The following LRRC2 variants were observed in gnomAD, a reference collection of about 807,000 sequenced individuals.
LRRC2 encodes the protein leucine rich repeat containing 2.
In LRRC2, 27 loss-of-function variants were observed where a neutral mutation model predicts 40.2. The observed-to-expected ratio is 0.67, with a 90% confidence interval of 0.49 to 0.93. LRRC2 has a LOEUF of 0.93. Among genes scored for constraint, LRRC2 ranks in the 40% least tolerant of loss-of-function variants. LRRC2 has a pLI of 0.00. For missense variants in LRRC2, 402 were observed against 439.6 expected (o/e 0.91, Z 0.76); for synonymous variants, 147 against 158.9 (o/e 0.92, Z 0.56).
chr3:46,533,775 T>TTTTCTTTCTTTCTTTCTTTGTTTCTTTC (rs1553612504), intron 4 of LRRC2, among the ~76,000 whole-genome samples: 3 of 93,000 alleles, frequency 3.2e-5, no homozygotes, highest in Non-Finnish European at 5.2e-5. Flanking sequence ...CCTCCCTCTC[T>TTTTCTTTCTTTCTTTCTTTGTTTCTTTC]TTTCTTTCTT....
chr3:46,538,201 G>A (rs1220475365), intron 4 of LRRC2, among the ~76,000 whole-genome samples: 1 of 152,210 alleles, frequency 6.6e-6, no homozygotes, highest in Non-Finnish European at 1.5e-5. Flanking sequence ...GGGCACATGT[G>A]TAAGAATGGA....
intron 1 of LRRC2, among the ~76,000 whole-genome samples, chr3:46,556,725 C>T (rs925638101): frequency 4.0e-5 from 6 of 151,684 alleles, no homozygotes; most frequent in Non-Finnish European, 7.4e-5. Flanking sequence ...ATTACAGGCA[C>T]GTGCCACCAC....
intron 1 of LRRC2, chr3:46,558,306 T>C (rs944290574): frequency 6.6e-6 from 1 of 152,208 alleles, no homozygotes; most frequent in Non-Finnish European, 1.5e-5. Context: ...GGTATATTTA[T>C]TGAGTGGCGC....
intron 2 of LRRC2, among the ~76,000 whole-genome samples, chr3:46,546,553 T>C (rs1033527658): frequency 6.6e-6 from 1 of 152,216 alleles, no homozygotes; most frequent in Non-Finnish European, 1.5e-5. Context: ...TCTATAGGTA[T>C]GTACCTTTGA....
intron 7 of LRRC2, among the ~76,000 whole-genome samples, chr3:46,523,654 C>T (rs1704004044): frequency 6.6e-6 from 1 of 152,160 alleles, no homozygotes; most frequent in Non-Finnish European, 1.5e-5. Flanking sequence ...CATCTGTCCA[C>T]ACACCTATCT....
chr3:46,515,877 AAAAAG>A lies in LRRC2; in HGVS notation c.*3132_*3136del. On this transcript the variant is annotated 3_prime_UTR_variant, in exon 9 of 9. Transcript: ENST00000395905. ...AAATTTGAATTGTATTTTTAGTGTT[AAAAAG>A]AAAAAAATGTAACTATTTAAGATTC... 6.6e-6 allele frequency: 1 copy of A among 152,090 alleles called. No individual in the cohort carries two copies. 9.4% of individuals were successfully genotyped at this position (152,090 alleles called of 1,614,324 possible).
At chr3:46,555,337 G>T (rs1704768303) in intron 1 of LRRC2, among the ~76,000 whole-genome samples, 1 of 152,084 alleles carries the variant, frequency 6.6e-6, no homozygotes, top group Admixed American at 6.5e-5. Context: ...ATGTATGTAT[G>T]CCATTTATAT....
At chr3:46,552,448 A>G (rs1704680967) in intron 1 of LRRC2, among the ~76,000 whole-genome samples, 1 of 151,468 alleles carries the variant, frequency 6.6e-6, no homozygotes, top group Non-Finnish European at 1.5e-5. Context: ...TTTTGTTGGT[A>G]GAAATTTATT....
intron 7 of LRRC2, among the ~76,000 whole-genome samples, chr3:46,526,547 C>A (rs1704063151): frequency 6.6e-6 from 1 of 152,224 alleles, no homozygotes; most frequent in African/African-American, 2.4e-5. Context: ...ATGTCTTACA[C>A]CCTGTTTATT....
rs965384356 is a variant in LRRC2 at position 46,552,721 on chromosome 3, TA to T, written c.-19-1112del. Among the ~76,000 whole-genome samples the T allele has an allele frequency of 2.8e-4, 42 of 149,224 alleles. 1 individual carries two copies. Among genetic ancestry groups the T allele is most frequent in the East Asian group, 1.9e-3 (10 of 5,140 alleles). ...GGCCACAGGCCAGCCACCATTAAGT[TA>T]AAAAAAAAATGGCACTGAGCCCCAC... On this transcript the variant is annotated intron_variant, in intron 1 of 8. Coordinates refer to ENST00000395905, the MANE Select transcript of LRRC2 (RefSeq NM_024512.5).
At chr3:46,548,031 C>A (rs1704567530) in intron 2 of LRRC2, among the ~76,000 whole-genome samples, 1 of 152,198 alleles carries the variant, frequency 6.6e-6, no homozygotes, top group Non-Finnish European at 1.5e-5. Flanking sequence ...ACTGCAAGTT[C>A]TTGTATTCAC....
At chr3:46,529,440 C>T (rs1479271878) in intron 6 of LRRC2, among the ~76,000 whole-genome samples, 2 of 152,246 alleles carry the variant, frequency 1.3e-5, no homozygotes, top group African/African-American at 4.8e-5. Context: ...AAAATATGTA[C>T]ATTTTTAATT....
chr3:46,563,261 TGA>T (rs1704986488), intron 1 of LRRC2, among the ~76,000 whole-genome samples: 1 of 152,030 alleles, frequency 6.6e-6, no homozygotes, highest in Admixed American at 6.6e-5. Flanking sequence ...TACTCAATAG[TGA>T]GAGTCACTTT....
At chr3:46,528,006 G>A (rs1424996323) in intron 6 of LRRC2, among the ~76,000 whole-genome samples, 5 of 152,172 alleles carry the variant, frequency 3.3e-5, no homozygotes, top group Admixed American at 2.6e-4. Flanking sequence ...TGAGATTACA[G>A]GCATAAGCCA....
intron 1 of LRRC2, among the ~76,000 whole-genome samples, chr3:46,556,855 G>A (rs1350756243): frequency 6.6e-6 from 1 of 152,098 alleles, no homozygotes. Flanking sequence ...AGGATTACAG[G>A]CGTGAGCCAT....
At chr3:46,550,854 T>C (rs1704629532) in intron 2 of LRRC2, among the ~76,000 whole-genome samples, 2 of 152,254 alleles carry the variant, frequency 1.3e-5, no homozygotes, top group African/African-American at 4.8e-5. Flanking sequence ...GTTCCAGTTC[T>C]GGTTTCTCCA....
At chr3:46,536,575 C>G (rs78577700) in intron 4 of LRRC2, among the ~76,000 whole-genome samples, 9 of 152,318 alleles carry the variant, frequency 5.9e-5, no homozygotes, top group African/African-American at 2.2e-4. Context: ...ATAACATCCT[C>G]ACTCCCCCAC....
intron 3 of LRRC2, among the ~76,000 whole-genome samples, chr3:46,543,650 A>AATAAT (rs1237863381): frequency 0.014 from 656 of 46,306 alleles, 8 homozygotes; most frequent in African/African-American, 0.046. Context: ...TAATAATAAT[A>AATAAT]AATAATAAAT....
In LRRC2 at chr3:46,551,696, A is replaced by G. The variant is rs1041189193; in HGVS notation, c.-19-86T>C. ...AAACTTTAAAATGAAATATGAATGA[A>G]TCACTTGGCTTAAGGAATGATGATA... is the stretch of plus-strand genomic sequence containing the variant. On this transcript the variant is annotated intron_variant, in intron 1 of 8. Coordinates refer to ENST00000395905, the MANE Select transcript of LRRC2 (RefSeq NM_024512.5). 8 of 982,922 alleles carry G rather than the reference A, an allele frequency of 8.1e-6. No homozygotes were observed. In the African/African-American group the frequency reaches 1.4e-4, roughly 17 times the overall value. The allele number at this position is 982,922 out of a possible 1,614,324, so 60.9% of individuals were successfully genotyped here.
Sources: gnomAD v4.1 joint callset for allele counts (sites outside exome capture counted in the v4.1 genomes callset) on GRCh38, gnomAD v4.1.1 for gene constraint, MANE v1.5 for transcripts, NCBI Gene and HGNC (gene_info 2026-07-23, HGNC 2026-07-21) for gene names.